CADM2: variants seen among roughly 807,000 people sequenced by gnomAD.
The protein encoded by CADM2 is immunoglobulin superfamily member 4D.
Under a neutral mutation model 49.8 loss-of-function variants are expected in CADM2, and 12 were observed. The observed-to-expected ratio is 0.24, with a 90% CI of 0.15 to 0.39. The LOEUF (loss-of-function observed/expected upper bound fraction) is 0.39. Ranked by LOEUF, CADM2 falls within the 10% of genes least tolerant of loss-of-function variation. CADM2 has a pLI of 1.00. For missense variants in CADM2, 378 were observed against 492.3 expected (o/e 0.77, Z 2.20); for synonymous variants, 214 against 175.4 (o/e 1.22, Z -1.74).
intron 2 of CADM2, among the ~76,000 whole-genome samples, chr3:85,778,013 A>T (rs550450337): frequency 4.6e-5 from 7 of 152,164 alleles, no homozygotes; most frequent in Non-Finnish European, 7.4e-5. Flanking sequence ...ATCATCCATT[A>T]TGACTTCTGT....
intron 1 of CADM2, among the ~76,000 whole-genome samples, chr3:85,297,450 A>G (rs1217712590): frequency 6.6e-6 from 1 of 151,906 alleles, no homozygotes; most frequent in Non-Finnish European, 1.5e-5. Context: ...AATCCTTTGG[A>G]TGACATTTTT....
chr3:85,979,200 C>T (rs1727166690), intron 8 of CADM2: 1 of 1,610,856 alleles, frequency 6.2e-7, no homozygotes, highest in African/African-American at 1.3e-5. Context: ...ACTATCATCC[C>T]CTCCCTTACC....
At chr3:86,021,256 T>TCC (rs1733131393) in intron 8 of CADM2, among the ~76,000 whole-genome samples, 1 of 152,152 alleles carries the variant, frequency 6.6e-6, no homozygotes, top group African/African-American at 2.4e-5. Context: ...TGCCTCAGCC[T>TCC]CCCAAAGTGC....
chr3:85,501,094 A>G (rs2040098509), intron 1 of CADM2, among the ~76,000 whole-genome samples: 1 of 152,150 alleles, frequency 6.6e-6, no homozygotes, highest in Non-Finnish European at 1.5e-5. Flanking sequence ...CAGATTACCA[A>G]CCAAAAATCT....
chr3:85,736,426 A>C (rs1458957772), intron 2 of CADM2, among the ~76,000 whole-genome samples: 1 of 152,208 alleles, frequency 6.6e-6, no homozygotes, highest in Non-Finnish European at 1.5e-5. Flanking sequence ...AGAGAAAATG[A>C]TGGTCAGAAA....
At chr3:85,612,562 A>T (rs2063706089) in intron 1 of CADM2, among the ~76,000 whole-genome samples, 1 of 151,828 alleles carries the variant, frequency 6.6e-6, no homozygotes, top group African/African-American at 2.4e-5. Context: ...TAAATATAGA[A>T]CTGAAAATAT....
At chr3:85,492,100 A>C (rs2039700118) in intron 1 of CADM2, among the ~76,000 whole-genome samples, 1 of 152,192 alleles carries the variant, frequency 6.6e-6, no homozygotes, top group Admixed American at 6.5e-5. Flanking sequence ...ATATTTTTTA[A>C]AAGAAAACAA....
chr3:86,037,422 C>A (rs1301706641), intron 8 of CADM2, among the ~76,000 whole-genome samples: 1 of 152,048 alleles, frequency 6.6e-6, no homozygotes, highest in Admixed American at 6.6e-5. Flanking sequence ...TCAGAGATGA[C>A]AGCAGTGACT....
chr3:85,813,614 C>T (rs781211998), intron 3 of CADM2, among the ~76,000 whole-genome samples: 1 of 152,088 alleles, frequency 6.6e-6, no homozygotes, highest in Admixed American at 6.6e-5. Flanking sequence ...TCTTTGCTCA[C>T]GCAGTGTGTC....
At chr3:85,971,887 G>A (rs938745932) in intron 8 of CADM2, among the ~76,000 whole-genome samples, 1 of 151,546 alleles carries the variant, frequency 6.6e-6, no homozygotes, top group African/African-American at 2.4e-5. Context: ...TAAAATTGCA[G>A]TACTTTTCAT....
intron 1 of CADM2, among the ~76,000 whole-genome samples, chr3:85,310,167 A>C (rs1375953562): frequency 6.6e-6 from 1 of 152,236 alleles, no homozygotes; most frequent in East Asian, 1.9e-4. Flanking sequence ...TTCCAAAACG[A>C]ATACATTTAT....
At chr3:85,391,521 C>T (rs931813751) in intron 1 of CADM2, among the ~76,000 whole-genome samples, 2 of 149,332 alleles carry the variant, frequency 1.3e-5, no homozygotes, top group Admixed American at 6.6e-5. Context: ...AGGCAGAGAC[C>T]GAAGACTCAT....
At chr3:84,991,942 A>G (rs1476600809) in intron 1 of CADM2, among the ~76,000 whole-genome samples, 1 of 152,222 alleles carries the variant, frequency 6.6e-6, no homozygotes, top group African/African-American at 2.4e-5. Context: ...TATTCTGGAA[A>G]AGGTAAAACC....
chr3:85,048,861 A>G (rs1043547151), intron 1 of CADM2, among the ~76,000 whole-genome samples: 2 of 152,198 alleles, frequency 1.3e-5, no homozygotes, highest in Non-Finnish European at 2.9e-5. Flanking sequence ...GAAAATACAG[A>G]ATGCACAATG....
At position 85,898,956 on chromosome 3, in the gene CADM2, T is replaced by TATATATATATA. The variant is rs58838667; in HGVS notation, c.529+12629_529+12630insATATATATATA. On this transcript the variant is annotated intron_variant, in intron 5 of 9. Coordinates refer to ENST00000383699, the MANE Select transcript of CADM2 (RefSeq NM_001167675.2). ...TATTGTGTATATATATATATATATA[T>TATATATATATA]TTTTTTTTTTTTTTTTTTTTTTTTT... Among the ~76,000 whole-genome samples, 51 of 21,788 alleles carry TATATATATATA rather than the reference T, an allele frequency of 2.3e-3. 1 individual carries two copies. The highest frequency in any genetic ancestry group is 8.8e-3 in the South Asian group (4 of 452). The allele number at this position is 21,788 out of a possible 152,430, so 14.3% of individuals were successfully genotyped here. A position where few individuals can be genotyped will look rare whatever the true frequency, so the allele number is the denominator to read the frequency against.
intron 1 of CADM2, among the ~76,000 whole-genome samples, chr3:85,386,312 A>G (rs2034228801): frequency 6.6e-6 from 1 of 152,176 alleles, no homozygotes; most frequent in Admixed American, 6.5e-5. Context: ...GTCCAACCTT[A>G]GCAAAGAGAA....
chr3:85,424,192 A>G (rs2036295812), intron 1 of CADM2, among the ~76,000 whole-genome samples: 1 of 152,118 alleles, frequency 6.6e-6, no homozygotes, highest in South Asian at 2.1e-4. Flanking sequence ...ACACATTTAA[A>G]ATGTTACACA....
At chr3:85,547,448 GC>G (rs2061695129) in intron 1 of CADM2, among the ~76,000 whole-genome samples, 1 of 151,948 alleles carries the variant, frequency 6.6e-6, no homozygotes, top group South Asian at 2.1e-4. Context: ...TAATTATTCT[GC>G]AAGACTTGCA....
At chr3:85,599,200 C>T (rs569502404) in intron 1 of CADM2, among the ~76,000 whole-genome samples, 1 of 152,110 alleles carries the variant, frequency 6.6e-6, no homozygotes, top group African/African-American at 2.4e-5. Flanking sequence ...TTTTCTTTTA[C>T]CCTTTGATCG....
Sources: allele counts gnomAD v4.1 joint callset (sites outside exome capture counted in the v4.1 genomes callset), GRCh38; gene constraint gnomAD v4.1.1; transcripts MANE v1.5; gene names NCBI Gene and HGNC (gene_info 2026-07-23, HGNC 2026-07-21).